CEMIP: variants seen among roughly 807,000 people sequenced by gnomAD.
CEMIP encodes the protein cell migration inducing hyaluronidase 1.
CEMIP carries 105 observed loss-of-function variants against 156.9 expected under a neutral mutation model. The observed-to-expected ratio is 0.67, with a 90% CI of 0.57 to 0.79. CEMIP has a LOEUF of 0.79. Ranked by LOEUF, CEMIP falls within the 30% of genes least tolerant of loss-of-function variation. The pLI is 0.00. For missense variants in CEMIP, 1,457 were observed against 1,769.4 expected, an observed-to-expected ratio of 0.82 and a Z score of 3.17; for synonymous variants, 676 against 668.4, an observed-to-expected ratio of 1.01 and a Z score of -0.17.
At chr15:80,884,584 G>A (rs746962981) in intron 7 of CEMIP, among the ~76,000 whole-genome samples, 3 of 152,194 alleles carry the variant, frequency 2.0e-5, no homozygotes, top group Non-Finnish European at 4.4e-5. Context: ...ACAAAAGCTC[G>A]CTGTTTATAT....
Position 80,924,719 on chromosome 15 carries a change from T to C in CEMIP, c.2288+13T>C. ...TCATCTCTGCCAGGTAATCAGCCATTGGGAAGACACAGTCCACGGTGACCT... is the reference window on the plus strand; with the variant it reads ...TCATCTCTGCCAGGTAATCAGCCATCGGGAAGACACAGTCCACGGTGACCT... On this transcript the variant is annotated intron_variant, in intron 18 of 29. Coordinates refer to ENST00000394685, the MANE Select transcript of CEMIP (RefSeq NM_001293298.2). The C allele has an allele frequency of 6.2e-7, 1 of 1,612,796 alleles. No individual in the cohort carries two copies. Among genetic ancestry groups the C allele is most frequent in the Non-Finnish European group, 8.5e-7 (1 of 1,178,900 alleles).
Position 80,823,428 on chromosome 15 carries a change from T to G in CEMIP, c.-176+43814T>G, listed in dbSNP as rs995479342. 2.6e-5 allele frequency among the ~76,000 whole-genome samples: 4 copies of G among 152,218 alleles called. No homozygotes were observed. In the South Asian group the frequency reaches 8.3e-4, roughly 32 times the overall value. ...TCCAGGGCCAGAATTAGTTGGGGCA[T>G]GGATGGAGACTTGGGATCCTGTTGT... On this transcript the variant is annotated intron_variant, in intron 1 of 29. Coordinates refer to ENST00000394685, the MANE Select transcript of CEMIP (RefSeq NM_001293298.2).
At chr15:80,900,035 A>C (rs1899406486) in intron 12 of CEMIP, among the ~76,000 whole-genome samples, 1 of 152,134 alleles carries the variant, frequency 6.6e-6, no homozygotes, top group Non-Finnish European at 1.5e-5. Flanking sequence ...TGGAGGTGGG[A>C]GGGCATGCCA....
chr15:80,859,826 G>A (rs888842094), intron 1 of CEMIP, among the ~76,000 whole-genome samples: 3 of 152,298 alleles, frequency 2.0e-5, no homozygotes, highest in East Asian at 1.9e-4. Flanking sequence ...AAGTAAACAC[G>A]TTTTCCCCTT....
At chr15:80,823,853 C>T (rs1333180930) in intron 1 of CEMIP, among the ~76,000 whole-genome samples, 1 of 152,150 alleles carries the variant, frequency 6.6e-6, no homozygotes, top group Non-Finnish European at 1.5e-5. Flanking sequence ...ATATGCCCAA[C>T]AGAAGGCCAG....
intron 1 of CEMIP, among the ~76,000 whole-genome samples, chr15:80,797,750 C>T (rs1446284745): frequency 6.6e-6 from 1 of 152,226 alleles, no homozygotes; most frequent in Non-Finnish European, 1.5e-5. Context: ...CAGGGTCCTC[C>T]ACACACCCAC....
intron 1 of CEMIP, among the ~76,000 whole-genome samples, chr15:80,841,695 GC>G (rs1332968820): frequency 3.3e-5 from 5 of 152,162 alleles, no homozygotes; most frequent in Non-Finnish European, 7.4e-5. Context: ...AGCTGCCGGA[GC>G]CCTCCCTCCA....
intron 1 of CEMIP, among the ~76,000 whole-genome samples, chr15:80,853,252 T>C (rs1011367749): frequency 9.2e-5 from 14 of 152,038 alleles, no homozygotes; most frequent in African/African-American, 3.4e-4. Flanking sequence ...TTTAGTCAAA[T>C]GGAAAGGGGG....
At chr15:80,926,508 G>A (rs567792150) in intron 19 of CEMIP, among the ~76,000 whole-genome samples, 18 of 152,246 alleles carry the variant, frequency 1.2e-4, no homozygotes, top group African/African-American at 4.3e-4. Flanking sequence ...AGGTGAAAGG[G>A]AACAAGAGAA....
Position 80,942,923 on chromosome 15 carries a change from C to G in CEMIP, c.3700-22C>G, listed in dbSNP as rs1901396784. Reference sequence around the variant, plus strand: ...GGGGCCTTGGCACCCTGCCTCACACCTGGATTGCTCTGGCTCTGTAGGTGG... The same window carrying G: ...GGGGCCTTGGCACCCTGCCTCACACGTGGATTGCTCTGGCTCTGTAGGTGG... On this transcript the variant is annotated intron_variant, in intron 27 of 29. Transcript: ENST00000394685. The G allele has an allele frequency of 4.3e-6, 7 of 1,614,040 alleles. No individual in the cohort carries two copies. The South Asian group carries it at 6.6e-5, about 15-fold the overall frequency.
chr15:80,792,079 T>C (rs934233743), intron 1 of CEMIP, among the ~76,000 whole-genome samples: 1 of 152,220 alleles, frequency 6.6e-6, no homozygotes, highest in African/African-American at 2.4e-5. Context: ...ATTCTTTTAG[T>C]GCCATCCCTG....
chr15:80,942,773 C>G (rs1251529869), intron 27 of CEMIP, among the ~76,000 whole-genome samples, 172 bp from the exon 28 acceptor site: 1 of 152,244 alleles, frequency 6.6e-6, no homozygotes, highest in Non-Finnish European at 1.5e-5. Context: ...TGCAGGGCCA[C>G]TATTTGACCC....
rs1219904708 is a variant in CEMIP at position 80,881,077 on chromosome 15, C to T, written c.558C>T (p.His186=). The T allele has an allele frequency of 1.2e-6, 2 of 1,614,182 alleles. No homozygotes were observed. Among genetic ancestry groups the T allele is most frequent in the Non-Finnish European group, 1.7e-6 (2 of 1,180,038 alleles). Residue 186 remains histidine, a synonymous_variant, in exon 6 of 30, where the codon CAC becomes CAT. Transcript: ENST00000394685. Reference sequence around the variant, plus strand: ...ATTTTTTTGAAAGGAGCTGGGGCCACCGTGGAGTTATTGTTCATGTCATCG... The same window carrying T: ...ATTTTTTTGAAAGGAGCTGGGGCCATCGTGGAGTTATTGTTCATGTCATCG... The part of the protein sequence containing the change: ...GGYFFERSWG[H]RGVIVHVIDP...
At chr15:80,817,643 T>C (rs1199794123) in intron 1 of CEMIP, among the ~76,000 whole-genome samples, 1 of 112,922 alleles carries the variant, frequency 8.9e-6, no homozygotes, top group Non-Finnish European at 2.0e-5. Context: ...AATAATAATA[T>C]GTAAGTAGAA....
At chr15:80,810,704 C>T (rs1276847957) in intron 1 of CEMIP, among the ~76,000 whole-genome samples, 1 of 152,168 alleles carries the variant, frequency 6.6e-6, no homozygotes, top group African/African-American at 2.4e-5. Flanking sequence ...GACTTGGCTC[C>T]TTGAGAACTT....
chr15:80,879,737 A>G lies in CEMIP; in HGVS notation c.263A>G (p.His88Arg). The G allele has an allele frequency of 6.2e-7, 1 of 1,614,212 alleles. No homozygotes were observed. The highest frequency in any genetic ancestry group is 8.5e-7 in the Non-Finnish European group (1 of 1,180,042). Residue 88 changes from histidine (H) to arginine (R), a missense_variant, in exon 5 of 30, where the codon CAC becomes CGC. His to Arg is a conservative substitution (Grantham distance 29). Coordinates refer to ENST00000394685, the MANE Select transcript of CEMIP (RefSeq NM_001293298.2). The stretch of plus-strand genomic sequence containing the variant: ...TCAGGCAAGCTGGTCATTAAAGACC[A>G]CGACGAGCCGATTGTTTTGCGAACC... ...SEGGKLVIKD[H>R]DEPIVLRTRH...
Position 80,943,059 on chromosome 15 carries a change from A to G in CEMIP, c.3814A>G (p.Ile1272Val), listed in dbSNP as rs1901405403. Residue 1272 changes from isoleucine to valine, a missense_variant, in exon 28 of 30, where the codon ATA (isoleucine) becomes GTA (valine). Physicochemically the swap from Ile to Val is conservative, Grantham distance 29. Transcript: ENST00000394685. Reference sequence around the variant, plus strand: ...CTTCAGGAACTCCATTCTGCAAGGCATACCATGGCAGCTTTTCAACTATGT... The same window carrying G: ...CTTCAGGAACTCCATTCTGCAAGGCGTACCATGGCAGCTTTTCAACTATGT... ...TSFRNSILQGIPWQLFNYVAT... is the reference protein window; with the variant it reads ...TSFRNSILQGVPWQLFNYVAT... 6.2e-7 allele frequency: 1 copy of G among 1,614,118 alleles called. No individual in the cohort carries two copies. Among genetic ancestry groups the G allele is most frequent in the Non-Finnish European group, 8.5e-7 (1 of 1,180,056 alleles).
intron 6 of CEMIP, among the ~76,000 whole-genome samples, chr15:80,881,428 C>G (rs77187448): frequency 6.6e-6 from 1 of 152,156 alleles, no homozygotes. Flanking sequence ...CTAGGGAAGA[C>G]CACTTTGGAT....
intron 17 of CEMIP, among the ~76,000 whole-genome samples, chr15:80,923,072 G>A (rs993437069): frequency 1.3e-5 from 2 of 152,158 alleles, no homozygotes; most frequent in Admixed American, 6.5e-5. Flanking sequence ...AAAAGGAAGA[G>A]ATGCAGTCTC....
Sources: allele counts gnomAD v4.1 joint callset (sites outside exome capture counted in the v4.1 genomes callset), GRCh38; gene constraint gnomAD v4.1.1; transcripts MANE v1.5; gene names NCBI Gene and HGNC (gene_info 2026-07-23, HGNC 2026-07-21).